SCIN: variants seen among roughly 807,000 people sequenced by gnomAD.
The protein encoded by SCIN is adseverin.
Under a neutral mutation model 91.8 loss-of-function variants are expected in SCIN, and 91 were observed. That is an observed-to-expected ratio of 0.99 (90% confidence interval 0.84 to 1.18). The LOEUF (loss-of-function observed/expected upper bound fraction) is 1.18. Ranked by LOEUF, SCIN falls within the 50% of genes most tolerant of loss-of-function variation. The pLI is 0.00. For synonymous variants in SCIN, 367 were observed against 312.6 expected (o/e 1.17, Z -1.84); for missense variants, 1,087 against 863.9 (o/e 1.26, Z -3.24).
intron 13 of SCIN, among the ~76,000 whole-genome samples, chr7:12,648,520 C>T (rs770901920): frequency 1.3e-5 from 2 of 152,140 alleles, no homozygotes; most frequent in Non-Finnish European, 2.9e-5. Flanking sequence ...TGGTCTTGAA[C>T]TCCTGACCTC....
intron 4 of SCIN, among the ~76,000 whole-genome samples, chr7:12,609,601 T>C (rs184710965): frequency 2.6e-3 from 400 of 152,268 alleles, no homozygotes; most frequent in Non-Finnish European, 3.4e-3. Flanking sequence ...ATCTGGTAGA[T>C]ATAAAAAGAA....
intron 13 of SCIN, among the ~76,000 whole-genome samples, chr7:12,645,373 C>A (rs1009170720): frequency 6.6e-6 from 1 of 152,090 alleles, no homozygotes. Context: ...AACCTAACAA[C>A]GCCGGGAAGG....
At position 12,571,307 on chromosome 7, in the gene SCIN, C is replaced by T. The variant is rs183978721; in HGVS notation, c.199+322C>T. 325 of 416,782 alleles carry T rather than the reference C, an allele frequency of 7.8e-4. 2 individuals are homozygous for T. The highest frequency in any genetic ancestry group is 6.0e-3 in the African/African-American group (297 of 49,838). The allele number at this position is 416,782 out of a possible 1,614,324, so 25.8% of individuals were successfully genotyped here. A position where few individuals can be genotyped will look rare whatever the true frequency, so the allele number is the denominator to read the frequency against. Reference sequence around the variant, plus strand: ...CAAGTATCCAAACGCCACTCTTGTCCAGGGCCGCTGCCTCAGCGCACACCG... The same window carrying T: ...CAAGTATCCAAACGCCACTCTTGTCTAGGGCCGCTGCCTCAGCGCACACCG... On this transcript the variant is annotated intron_variant, in intron 1 of 15. Transcript: ENST00000297029.
At chr7:12,636,164 C>T (rs2115287654) in intron 10 of SCIN, 29 bp downstream of exon 10, 5 of 1,552,756 alleles carry the variant, frequency 3.2e-6, no homozygotes, top group Middle Eastern at 1.7e-4. Flanking sequence ...CCAAAACTCA[C>T]ACAAGTTAAA....
intron 10 of SCIN, among the ~76,000 whole-genome samples, chr7:12,639,010 A>G (rs1174565416): frequency 6.6e-6 from 1 of 152,174 alleles, no homozygotes; most frequent in Non-Finnish European, 1.5e-5. Flanking sequence ...TTGAATCCTA[A>G]ATTGACAACA....
At chr7:12,637,322 A>C (rs1783771450) in intron 10 of SCIN, among the ~76,000 whole-genome samples, 1 of 152,228 alleles carries the variant, frequency 6.6e-6, no homozygotes, top group Admixed American at 6.5e-5. Flanking sequence ...GTTTTGCACA[A>C]GTAAACAGAA....
At chr7:12,611,931 A>G (rs1562614720) in intron 4 of SCIN, among the ~76,000 whole-genome samples, 1 of 28,510 alleles carries the variant, frequency 3.5e-5, no homozygotes, top group Admixed American at 5.9e-4. Context: ...TCTTAAAATA[A>G]AAAAAAAAAA....
At chr7:12,573,284 G>T (rs146243092) in intron 1 of SCIN, among the ~76,000 whole-genome samples, 226 of 152,204 alleles carry the variant, frequency 1.5e-3, no homozygotes, top group African/African-American at 5.2e-3. Flanking sequence ...TTTGGTTAAA[G>T]GAAATCAGCC....
At chr7:12,587,210 A>G (rs1285240987) in intron 3 of SCIN, among the ~76,000 whole-genome samples, 2 of 152,278 alleles carry the variant, frequency 1.3e-5, no homozygotes, top group East Asian at 3.9e-4. Flanking sequence ...AATATGTACA[A>G]TTTTTACATG....
At chr7:12,596,539 G>A (rs775325568) in intron 3 of SCIN, 34 of 442,790 alleles carry the variant, frequency 7.7e-5, no homozygotes, top group Non-Finnish European at 1.1e-4. Context: ...GTGGTTGGGG[G>A]AGGGCCCTCT....
intron 4 of SCIN, among the ~76,000 whole-genome samples, chr7:12,609,494 C>T (rs553823541): frequency 1.3e-5 from 2 of 151,326 alleles, no homozygotes; most frequent in Non-Finnish European, 2.9e-5. Context: ...GTTTTGTAAA[C>T]ATTAGGAGGA....
rs1203961588 is a variant in SCIN at position 12,653,304 on chromosome 7, G to C, written c.*589G>C. 1 of 152,030 alleles carries C rather than the reference G, an allele frequency of 6.6e-6. No individual in the cohort carries two copies. Among genetic ancestry groups the C allele is most frequent in the African/African-American group, 2.4e-5 (1 of 41,384 alleles). 9.4% of individuals were successfully genotyped at this position (152,030 alleles called of 1,614,324 possible). A position where few individuals can be genotyped will look rare whatever the true frequency, so the allele number is the denominator to read the frequency against. ...TGACCTTTCAAAAGTAAAATACTAT[G>C]CATAATCTAGAAAGATTTGTCAGAT... On this transcript the variant is annotated 3_prime_UTR_variant, in exon 16 of 16. Transcript: ENST00000297029. This position sits in a 1 kb window ranked among gnomAD's most constrained non-coding sequence, Gnocchi z 4.1.
chr7:12,642,290 T>C (rs1456334132), intron 11 of SCIN, among the ~76,000 whole-genome samples: 2 of 152,132 alleles, frequency 1.3e-5, no homozygotes, highest in African/African-American at 4.8e-5. Flanking sequence ...TCCCGTGCAT[T>C]TATTCCATTT....
chr7:12,621,056 A>G (rs939053818), intron 4 of SCIN, among the ~76,000 whole-genome samples: 2 of 152,154 alleles, frequency 1.3e-5, no homozygotes, highest in Admixed American at 1.3e-4. Flanking sequence ...TTCAGGCATG[A>G]TCTTCCAAGC....
At chr7:12,573,649 C>G (rs1583269118) in intron 1 of SCIN, among the ~76,000 whole-genome samples, 1 of 152,112 alleles carries the variant, frequency 6.6e-6, no homozygotes, top group Admixed American at 6.5e-5. Flanking sequence ...ATCCATTCAC[C>G]TCTGTTTGTA....
intron 2 of SCIN, 126 bp downstream of exon 2, chr7:12,578,344 C>G: frequency 1.2e-6 from 1 of 821,880 alleles, no homozygotes; most frequent in Non-Finnish European, 1.8e-6. Context: ...TTGTTTTAAT[C>G]TGTTTTGTTC....
At chr7:12,624,200 A>G (rs955427034) in intron 5 of SCIN, among the ~76,000 whole-genome samples, 2 of 152,218 alleles carry the variant, frequency 1.3e-5, no homozygotes, top group Admixed American at 1.3e-4. Flanking sequence ...TCAAAACTAC[A>G]GAATTCAGAC....
chr7:12,621,020 G>A (rs1240452461), intron 4 of SCIN, among the ~76,000 whole-genome samples: 1 of 152,064 alleles, frequency 6.6e-6, no homozygotes, highest in Admixed American at 6.6e-5. Context: ...AATCGCGTGG[G>A]CAACCCAAAA....
Position 12,608,853 on chromosome 7 carries a change from C to G in SCIN, c.666+4190C>G, listed in dbSNP as rs745606699. On this transcript the variant is annotated intron_variant, in intron 4 of 15. Transcript: ENST00000297029. Reference sequence around the variant, plus strand: ...TTAACTTTAAAAGCTTTGAAAGTCTCTCTATGTGAAAGTTAGAAATGGCTT... The same window carrying G: ...TTAACTTTAAAAGCTTTGAAAGTCTGTCTATGTGAAAGTTAGAAATGGCTT... Among the ~76,000 whole-genome samples, 45 of 152,120 alleles carry G rather than the reference C, an allele frequency of 3.0e-4. 1 individual carries two copies. Among genetic ancestry groups the G allele is most frequent in the East Asian group, 1.9e-4 (1 of 5,202 alleles).
Sources: allele counts gnomAD v4.1 joint callset (sites outside exome capture counted in the v4.1 genomes callset), GRCh38; gene constraint gnomAD v4.1.1; non-coding constraint Gnocchi (gnomAD v3.1); transcripts MANE v1.5; gene names NCBI Gene and HGNC (gene_info 2026-07-23, HGNC 2026-07-21).